DCLK1: variants seen among roughly 807,000 people sequenced by gnomAD.
DCLK1 encodes serine/threonine-protein kinase DCLK1.
A neutral mutation model predicts 86.2 loss-of-function variants in DCLK1; 16 were observed. The observed-to-expected ratio is 0.19, with a 90% CI of 0.13 to 0.28. The LOEUF is 0.28. Among genes scored for constraint, DCLK1 ranks in the 10% least tolerant of loss-of-function variants. The pLI, the probability that DCLK1 is intolerant of heterozygous loss-of-function variation, is 1.00. For synonymous variants in DCLK1, 369 were observed against 370.5 expected (o/e 1.00, Z 0.05); for missense variants, 590 against 940.2 (o/e 0.63, Z 4.87).
chr13:35,887,110 T>A (rs1449569610), intron 4 of DCLK1, among the ~76,000 whole-genome samples: 1 of 152,230 alleles, frequency 6.6e-6, no homozygotes, highest in Non-Finnish European at 1.5e-5. Context: ...TCTGTCTTCA[T>A]AGATAAATCC....
intron 3 of DCLK1, among the ~76,000 whole-genome samples, chr13:36,068,942 C>A (rs189347201): frequency 6.6e-6 from 1 of 152,296 alleles, no homozygotes; most frequent in Admixed American, 6.5e-5. Context: ...AAATTTGTTA[C>A]TGTTTTTAAA....
At chr13:35,852,495 A>AC (rs1870728477) in intron 6 of DCLK1, among the ~76,000 whole-genome samples, 1 of 152,146 alleles carries the variant, frequency 6.6e-6, no homozygotes, top group South Asian at 2.1e-4. Context: ...GATGGTATAA[A>AC]CCCTTTGTCC....
At chr13:36,101,847 G>C (rs1885228260) in intron 3 of DCLK1, among the ~76,000 whole-genome samples, 1 of 152,082 alleles carries the variant, frequency 6.6e-6, no homozygotes, top group Non-Finnish European at 1.5e-5. Flanking sequence ...AGTTTCAAGG[G>C]ATTCTTCTGC....
chr13:35,860,997 T>C (rs954606158), intron 5 of DCLK1, among the ~76,000 whole-genome samples: 1 of 152,178 alleles, frequency 6.6e-6, no homozygotes, highest in Non-Finnish European at 1.5e-5. Context: ...GGATGGAGCA[T>C]GGGTCCAGAG....
chr13:35,867,963 A>AGAG (rs1871969948), intron 5 of DCLK1, among the ~76,000 whole-genome samples: 1 of 135,154 alleles, frequency 7.4e-6, no homozygotes, highest in African/African-American at 2.7e-5. Context: ...GAAAGAAAGA[A>AGAG]AGAGAAAAAG....
At chr13:35,887,565 T>G (rs1034148620) in intron 4 of DCLK1, among the ~76,000 whole-genome samples, 2 of 152,136 alleles carry the variant, frequency 1.3e-5, no homozygotes, top group African/African-American at 4.8e-5. Flanking sequence ...TGGGAAAGAC[T>G]GATGAAGAAA....
chr13:36,014,294 C>T (rs536630736), intron 3 of DCLK1, among the ~76,000 whole-genome samples: 5 of 152,320 alleles, frequency 3.3e-5, no homozygotes, highest in South Asian at 2.1e-4. Flanking sequence ...TGTTTGAAAA[C>T]GTGAACAGGC....
intron 3 of DCLK1, among the ~76,000 whole-genome samples, chr13:36,033,992 A>C (rs1282044502): frequency 6.6e-6 from 1 of 152,222 alleles, no homozygotes; most frequent in Admixed American, 6.5e-5. Context: ...TATAAGCTTG[A>C]TAGATAATGA....
At chr13:35,922,771 C>A (rs777011377) in intron 4 of DCLK1, among the ~76,000 whole-genome samples, 24 of 152,164 alleles carry the variant, frequency 1.6e-4, no homozygotes, top group Non-Finnish European at 3.1e-4. Flanking sequence ...TCAATCCTCA[C>A]AATAAACCTG....
intron 2 of DCLK1, among the ~76,000 whole-genome samples, chr13:36,123,394 G>T (rs938619758): frequency 3.9e-5 from 6 of 152,176 alleles, no homozygotes; most frequent in Admixed American, 3.9e-4. Flanking sequence ...AGCCAACATG[G>T]TGAACTCACA....
intron 4 of DCLK1, among the ~76,000 whole-genome samples, chr13:35,916,235 A>C (rs2153125877): frequency 6.6e-6 from 1 of 152,354 alleles, no homozygotes; most frequent in Non-Finnish European, 1.5e-5. Flanking sequence ...GCATTTGAAC[A>C]CAGAAACTGA....
intron 3 of DCLK1, among the ~76,000 whole-genome samples, chr13:35,987,902 T>A (rs1880019618): frequency 6.6e-6 from 1 of 152,052 alleles, no homozygotes; most frequent in African/African-American, 2.4e-5. Flanking sequence ...TATGGCACAA[T>A]CTCCTCCCTG....
chr13:35,890,514 T>C (rs1161919668), intron 4 of DCLK1, among the ~76,000 whole-genome samples: 1 of 152,226 alleles, frequency 6.6e-6, no homozygotes, highest in Non-Finnish European at 1.5e-5. Flanking sequence ...CTTTTTTCCC[T>C]CTAGATTTTT....
intron 4 of DCLK1, among the ~76,000 whole-genome samples, chr13:35,906,317 T>C (rs1015682959): frequency 1.3e-5 from 2 of 151,538 alleles, no homozygotes. Flanking sequence ...TATTTTCTTT[T>C]TTTTTTTTTT....
chr13:35,821,895 T>G (rs879770727), intron 11 of DCLK1, among the ~76,000 whole-genome samples: 8 of 150,920 alleles, frequency 5.3e-5, no homozygotes, highest in African/African-American at 1.2e-4. Flanking sequence ...TCCCCAGAGA[T>G]GTGGAGTAAA....
At chr13:35,964,674 T>C (rs1486836020) in intron 3 of DCLK1, among the ~76,000 whole-genome samples, 1 of 152,154 alleles carries the variant, frequency 6.6e-6, no homozygotes, top group Non-Finnish European at 1.5e-5. Context: ...AAAAGAAACA[T>C]TCTTGGAAGC....
chr13:36,003,424 T>C (rs1223946541), intron 3 of DCLK1, among the ~76,000 whole-genome samples: 2 of 152,200 alleles, frequency 1.3e-5, no homozygotes, highest in African/African-American at 2.4e-5. Flanking sequence ...GAAATCTTTG[T>C]GGAAAGCAAT....
intron 3 of DCLK1, among the ~76,000 whole-genome samples, chr13:35,984,780 AC>A (rs1286522694): frequency 6.7e-6 from 1 of 149,536 alleles, no homozygotes; most frequent in Non-Finnish European, 1.5e-5. Flanking sequence ...TCTCTTCACT[AC>A]CCCCCAGGCT....
At chr13:36,028,867 T>C (rs1189220865) in intron 3 of DCLK1, among the ~76,000 whole-genome samples, 4 of 152,208 alleles carry the variant, frequency 2.6e-5, no homozygotes, top group South Asian at 2.1e-4. Context: ...TGCCATGACA[T>C]TTTATAGATG....
Sources: allele counts gnomAD v4.1 joint callset (sites outside exome capture counted in the v4.1 genomes callset), GRCh38; gene constraint gnomAD v4.1.1; transcripts MANE v1.5; gene names NCBI Gene and HGNC (gene_info 2026-07-23, HGNC 2026-07-21).